The following RBM10 variants were observed in gnomAD, a reference collection of about 807,000 sequenced individuals.
The protein encoded by RBM10 is RNA binding motif protein 10.
A neutral mutation model predicts 84.9 loss-of-function variants in RBM10; 1 was observed. The observed-to-expected ratio is 0.01, with a 90% CI of 0.00 to 0.06. The LOEUF is 0.06. Ranked by LOEUF, RBM10 falls within the 10% of genes least tolerant of loss-of-function variation. The pLI, the probability that RBM10 is intolerant of heterozygous loss-of-function variation, is 1.00. For synonymous variants in RBM10, 326 were observed against 344.5 expected, an observed-to-expected ratio of 0.95 and a Z score of 0.60; for missense variants, 438 against 839.0, an observed-to-expected ratio of 0.52 and a Z score of 5.90.
chrX:47,169,649 C>A, intron 3 of RBM10, 151 bp downstream of exon 3: 2 of 567,414 alleles, frequency 3.5e-6, no homozygotes, highest in Non-Finnish European at 5.5e-6. Context: ...GGCCTGTTCC[C>A]ACTCCCCTCT....
At chrX:47,173,947 C>A (rs1294553230) in intron 5 of RBM10, among the ~76,000 whole-genome samples, 1 of 99,526 alleles carries the variant, frequency 1.0e-5, no homozygotes, top group Non-Finnish European at 2.0e-5. Flanking sequence ...CTCCCTCTCT[C>A]TCTTTCTCTC....
At chrX:47,151,372 G>A (rs1556763622) in intron 2 of RBM10, among the ~76,000 whole-genome samples, 1 of 111,656 alleles carries the variant, frequency 9.0e-6, no homozygotes, top group African/African-American at 3.3e-5. Context: ...GAGGAAAGCT[G>A]TTGATTTCTG....
chrX:47,160,598 A>AC, intron 2 of RBM10, among the ~76,000 whole-genome samples: 1 of 111,594 alleles, frequency 9.0e-6, no homozygotes, highest in Middle Eastern at 4.6e-3. Context: ...AAAAAAAAAA[A>AC]AACATGTTAG....
At chrX:47,163,796 C>T (rs1216590649) in intron 2 of RBM10, among the ~76,000 whole-genome samples, 4 of 107,433 alleles carry the variant, frequency 3.7e-5, no homozygotes, top group African/African-American at 1.0e-4. Flanking sequence ...AGGTTCACGC[C>T]ATTGTCCTGC....
At chrX:47,178,538 C>T (rs1935306397) in intron 7 of RBM10, among the ~76,000 whole-genome samples, 1 of 112,250 alleles carries the variant, frequency 8.9e-6, no homozygotes, top group South Asian at 3.7e-4. Context: ...CCATGTGCAG[C>T]AGGGCCTGGC....
At chrX:47,166,878 C>T (rs189355718) in intron 2 of RBM10, among the ~76,000 whole-genome samples, 23 of 108,406 alleles carry the variant, frequency 2.1e-4, no homozygotes, top group Admixed American at 2.0e-3. Flanking sequence ...TGGGTTCAAG[C>T]GATTCTCCTG....
intron 6 of RBM10, 65 bp downstream of exon 6, chrX:47,175,157 C>T (rs1935038137): frequency 5.9e-6 from 5 of 842,770 alleles, no homozygotes; most frequent in Non-Finnish European, 8.3e-6. Flanking sequence ...CGCTCCCCAT[C>T]GCCTGATTCT....
rs1556779476 is a variant in RBM10, at chrX:47,181,571, G to A, written c.1500G>A (p.Gln500=). 1 of 1,210,023 alleles carries A rather than the reference G, an allele frequency of 8.3e-7. No homozygotes were observed. The highest frequency in any genetic ancestry group is 1.1e-6 in the Non-Finnish European group (1 of 894,859). The change falls in exon 14 of 24, where the codon CAG becomes CAA. Residue 500 remains glutamine (Q), a synonymous_variant. Transcript: ENST00000377604. ...SVSMQAFSRA[Q]PGAAPGIYQQ... ...CGATGCAGGCTTTCTCTCGCGCCCAGCCTGGTGCTGCTCCTGGCATCTACC... is the reference window on the plus strand; with the variant it reads ...CGATGCAGGCTTTCTCTCGCGCCCAACCTGGTGCTGCTCCTGGCATCTACC...
chrX:47,152,603 C>A (rs1556763970), intron 2 of RBM10, among the ~76,000 whole-genome samples: 1 of 106,273 alleles, frequency 9.4e-6, no homozygotes, highest in African/African-American at 3.5e-5. Context: ...CCTGCCAGTA[C>A]GCCTGGCTAA....
intron 2 of RBM10, among the ~76,000 whole-genome samples, chrX:47,152,510 G>C (rs1475620741): frequency 1.1e-5 from 1 of 88,694 alleles, no homozygotes; most frequent in East Asian, 3.8e-4. Flanking sequence ...GCAATGGCGT[G>C]ATCTTGGCTC....
chrX:47,145,326 G>A lies in RBM10; in HGVS notation c.-285G>A. ...AGGCGGCAGTGAGTTTCCCTGGGAGGGCAGCGCGCTTGGCGCTTCTCCCCT... is the reference window on the plus strand; with the variant it reads ...AGGCGGCAGTGAGTTTCCCTGGGAGAGCAGCGCGCTTGGCGCTTCTCCCCT... On this transcript the variant is annotated 5_prime_UTR_variant, in exon 1 of 24. Coordinates refer to ENST00000377604, the MANE Select transcript of RBM10 (RefSeq NM_005676.5). 1 of 792,794 alleles carries A rather than the reference G, an allele frequency of 1.3e-6. No homozygotes were observed. Among genetic ancestry groups the A allele is most frequent in the Middle Eastern group, 3.2e-4 (1 of 3,104 alleles). 65.3% of individuals were successfully genotyped at this position (792,794 alleles called of 1,213,427 possible). A position where few individuals can be genotyped will look rare whatever the true frequency, so the allele number is the denominator to read the frequency against.
At chrX:47,147,836 C>T (rs1040274612) in intron 2 of RBM10, among the ~76,000 whole-genome samples, 5 of 110,934 alleles carry the variant, frequency 4.5e-5, no homozygotes, top group South Asian at 3.8e-4. Context: ...AGGATTTGCC[C>T]GGGACCACTA....
chrX:47,165,032 T>C (rs1297896224), intron 2 of RBM10, among the ~76,000 whole-genome samples: 1 of 111,647 alleles, frequency 9.0e-6, no homozygotes, highest in African/African-American at 3.3e-5. Flanking sequence ...GGGACAAATA[T>C]ATGATTCCAC....
At chrX:47,170,744 G>C (rs1439724325) in intron 3 of RBM10, among the ~76,000 whole-genome samples, 3 of 112,364 alleles carry the variant, frequency 2.7e-5, no homozygotes, top group Non-Finnish European at 3.8e-5. Flanking sequence ...GGAGGTTTAA[G>C]CTGTGTCTTG....
chrX:47,176,083 G>A (rs975942605), intron 6 of RBM10, among the ~76,000 whole-genome samples: 2 of 112,445 alleles, frequency 1.8e-5, no homozygotes, highest in Non-Finnish European at 3.8e-5. Flanking sequence ...CAGCACTAGC[G>A]CACCTGCGCT....
At position 47,186,561 on chromosome X, in the gene RBM10, C is replaced by T. The variant is rs202039165; in HGVS notation, c.2755C>T (p.His919Tyr). The T allele has an allele frequency of 8.3e-7, 1 of 1,211,926 alleles. No homozygotes were observed. The highest frequency in any genetic ancestry group is 1.1e-6 in the Non-Finnish European group (1 of 895,460). The change falls in exon 24 of 24, where the codon CAC (histidine) becomes TAC (tyrosine). Residue 919 changes from histidine (H) to tyrosine (Y), a missense_variant. This residue lies in a region of RBM10 where 92 missense variants were observed against 199.9 expected (regional missense o/e 0.46). Coordinates refer to ENST00000377604, the MANE Select transcript of RBM10 (RefSeq NM_005676.5). ...AACCGAGTCCTACAAGGAGACACTGCACAAGACAATGGTGACCCGCTTCAA... is the reference window on the plus strand; with the variant it reads ...AACCGAGTCCTACAAGGAGACACTGTACAAGACAATGGTGACCCGCTTCAA... ...TSTESYKETL[H>Y]KTMVTRFNEA... is the part of the protein sequence containing the mutation.
intron 2 of RBM10, among the ~76,000 whole-genome samples, chrX:47,165,951 C>T (rs948266197): frequency 2.7e-4 from 30 of 110,331 alleles, no homozygotes; most frequent in African/African-American, 9.6e-4. Context: ...ACCCAGGAGG[C>T]GGAGGCTGCA....
In RBM10 at chrX:47,173,121, C is replaced by T. The variant is rs200906689; in HGVS notation, c.433-7C>T. 17 of 1,210,952 alleles carry T rather than the reference C, an allele frequency of 1.4e-5. No homozygotes were observed. In the East Asian group the frequency reaches 2.4e-4, roughly 17 times the overall value. ...GAGCCTGCCCTACTCTGTATCTCCC[C>T]GTATAGATCCGTGGCCAGCTGCAGT... On this transcript the variant is annotated splice_polypyrimidine_tract_variant and splice_region_variant and intron_variant, in intron 4 of 23. Transcript: ENST00000377604.
intron 2 of RBM10, among the ~76,000 whole-genome samples, chrX:47,160,970 G>T (rs1474862131): frequency 9.1e-6 from 1 of 109,950 alleles, no homozygotes; most frequent in African/African-American, 3.3e-5. Flanking sequence ...TTTTTTTTTT[G>T]AAACAAGGTC....
Sources: allele counts gnomAD v4.1 joint callset (sites outside exome capture counted in the v4.1 genomes callset), GRCh38; gene constraint gnomAD v4.1.1; regional missense constraint gnomAD v4.1.1; transcripts MANE v1.5; gene names NCBI Gene and HGNC (gene_info 2026-07-23, HGNC 2026-07-21).